HDAC9: variants seen among roughly 807,000 people sequenced by gnomAD.
HDAC9 encodes histone deacetylase 9.
A neutral mutation model predicts 139.4 loss-of-function variants in HDAC9; 41 were observed. That is an observed-to-expected ratio of 0.29 (90% CI 0.23 to 0.38). The LOEUF is 0.38. Among genes scored for constraint, HDAC9 ranks in the 10% least tolerant of loss-of-function variants. The pLI, the probability that HDAC9 is intolerant of heterozygous loss-of-function variation, is 1.00. For synonymous variants in HDAC9, 517 were observed against 476.2 expected (o/e 1.09, Z -1.12); for missense variants, 1,147 against 1,297.0 (o/e 0.88, Z 1.78).
chr7:18,670,339 T>C (rs1795595058), intron 12 of HDAC9, among the ~76,000 whole-genome samples: 1 of 152,060 alleles, frequency 6.6e-6, no homozygotes, highest in Non-Finnish European at 1.5e-5. Context: ...AATGTGACTT[T>C]TCAGTCATGC....
chr7:18,815,789 C>G (rs1297601423), intron 17 of HDAC9, among the ~76,000 whole-genome samples: 6 of 152,330 alleles, frequency 3.9e-5, no homozygotes, highest in African/African-American at 1.2e-4. Context: ...CTCCCTTGAG[C>G]TGGCTCAAAG....
At chr7:18,208,496 C>T (rs1791705723) in intron 2 of HDAC9, among the ~76,000 whole-genome samples, 1 of 151,578 alleles carries the variant, frequency 6.6e-6, no homozygotes. Context: ...CTACCTCAGG[C>T]TCCTTAGTAG....
chr7:18,779,065 T>C (rs544968148), intron 16 of HDAC9, among the ~76,000 whole-genome samples: 30 of 152,208 alleles, frequency 2.0e-4, no homozygotes, highest in African/African-American at 7.0e-4. Flanking sequence ...TCTGAACGTC[T>C]TCCCTGTAGC....
At chr7:18,622,561 A>T (rs757216728) in intron 6 of HDAC9, among the ~76,000 whole-genome samples, 26 of 151,926 alleles carry the variant, frequency 1.7e-4, no homozygotes, top group Non-Finnish European at 2.9e-4. Context: ...TGACTTCATG[A>T]TCTGCCCGCC....
chr7:18,393,977 C>T (rs762937448), intron 1 of HDAC9, among the ~76,000 whole-genome samples: 5 of 152,104 alleles, frequency 3.3e-5, no homozygotes, highest in Non-Finnish European at 7.4e-5. Flanking sequence ...TTCAAATTAT[C>T]CCTTGGACAA....
At chr7:18,158,354 G>A (rs1318818563) in intron 1 of HDAC9, among the ~76,000 whole-genome samples, 1 of 152,172 alleles carries the variant, frequency 6.6e-6, no homozygotes, top group Non-Finnish European at 1.5e-5. Flanking sequence ...TTGTGACTGA[G>A]TTTGATCTAT....
intron 1 of HDAC9, among the ~76,000 whole-genome samples, chr7:18,298,114 T>C (rs891359967): frequency 6.6e-6 from 1 of 152,158 alleles, no homozygotes; most frequent in African/African-American, 2.4e-5. Flanking sequence ...GCTTCTTCAC[T>C]GGGGGTTTCA....
At chr7:18,850,909 G>A (rs569938001) in intron 21 of HDAC9, among the ~76,000 whole-genome samples, 51 of 152,204 alleles carry the variant, frequency 3.4e-4, no homozygotes, top group South Asian at 1.9e-3. Flanking sequence ...CTTTCACAAG[G>A]GCACTAATCC....
At chr7:18,810,294 C>T (rs78172586) in intron 17 of HDAC9, among the ~76,000 whole-genome samples, 2,469 of 151,970 alleles carry the variant, frequency 0.016, 59 homozygotes, top group African/African-American at 0.057. Context: ...GAGTATTCTT[C>T]CCATCTCAAA....
In HDAC9 at chr7:18,860,940, T is replaced by C. The variant is rs977666069; in HGVS notation, c.2685-13538T>C. 2.0e-5 allele frequency among the ~76,000 whole-genome samples: 3 copies of C among 152,144 alleles called. No individual in the cohort carries two copies. In the East Asian group the frequency reaches 5.8e-4, roughly 29 times the overall value. On this transcript the variant is annotated intron_variant, in intron 21 of 25. Coordinates refer to ENST00000686413, the MANE Select transcript of HDAC9 (RefSeq NM_178425.4). ...CCTCAGTTCTCTAGGATGTGGTCTT[T>C]TGTTAATTGGATAGTAGCAGAGCAA... is the stretch of plus-strand genomic sequence containing the variant.
intron 1 of HDAC9, among the ~76,000 whole-genome samples, chr7:18,437,820 A>G (rs1791351779): frequency 6.6e-6 from 1 of 151,318 alleles, no homozygotes; most frequent in Non-Finnish European, 1.5e-5. Flanking sequence ...AAAAAGGGAA[A>G]GTCCCTCTCA....
chr7:18,431,145 C>G (rs1201413624), intron 1 of HDAC9, among the ~76,000 whole-genome samples: 2 of 152,050 alleles, frequency 1.3e-5, no homozygotes, highest in African/African-American at 4.8e-5. Flanking sequence ...ACCTACTGTT[C>G]CATACAGTTT....
intron 22 of HDAC9, among the ~76,000 whole-genome samples, chr7:18,903,321 T>C (rs150132151): frequency 8.5e-5 from 13 of 152,358 alleles, no homozygotes; most frequent in African/African-American, 3.1e-4. Flanking sequence ...CTGCATTTTA[T>C]TCATAGTTTA....
At chr7:18,183,511 T>C (rs1789668911) in intron 2 of HDAC9, among the ~76,000 whole-genome samples, 1 of 152,198 alleles carries the variant, frequency 6.6e-6, no homozygotes. Context: ...CTTGGGGATC[T>C]TCCTTGGATT....
At chr7:18,208,809 A>G (rs1178270857) in intron 2 of HDAC9, among the ~76,000 whole-genome samples, 1 of 152,250 alleles carries the variant, frequency 6.6e-6, no homozygotes, top group African/African-American at 2.4e-5. Flanking sequence ...CATGAGGAAA[A>G]TGAAAAATAA....
intron 2 of HDAC9, among the ~76,000 whole-genome samples, chr7:18,236,337 C>G (rs1793814527): frequency 6.6e-6 from 1 of 152,166 alleles, no homozygotes; most frequent in African/African-American, 2.4e-5. Flanking sequence ...AGCCCTATAT[C>G]ATCCCCTCCA....
chr7:18,867,285 C>A (rs939477794), intron 21 of HDAC9, among the ~76,000 whole-genome samples: 2 of 152,138 alleles, frequency 1.3e-5, no homozygotes, highest in African/African-American at 4.8e-5. Flanking sequence ...AACGTAGGTG[C>A]AAATCACCAG....
chr7:18,238,199 G>A (rs917056834), intron 2 of HDAC9, among the ~76,000 whole-genome samples: 1 of 152,188 alleles, frequency 6.6e-6, no homozygotes, highest in Admixed American at 6.5e-5. Context: ...ACCAATAGTA[G>A]TGTGATCCCT....
intron 2 of HDAC9, among the ~76,000 whole-genome samples, chr7:18,181,420 T>C (rs1789417988): frequency 6.6e-6 from 1 of 152,152 alleles, no homozygotes; most frequent in South Asian, 2.1e-4. Flanking sequence ...ATTTAGACTA[T>C]TGGATTAATT....
Sources: gnomAD v4.1 joint callset for allele counts (sites outside exome capture counted in the v4.1 genomes callset) on GRCh38, gnomAD v4.1.1 for gene constraint, MANE v1.5 for transcripts, NCBI Gene and HGNC (gene_info 2026-07-23, HGNC 2026-07-21) for gene names.